RB1CC1: variants seen among roughly 807,000 people sequenced by gnomAD.
RB1CC1 encodes RB1-inducible coiled-coil protein 1.
RB1CC1 carries 46 observed loss-of-function variants against 177.5 expected under a neutral mutation model. The observed-to-expected ratio is 0.26, with a 90% confidence interval of 0.20 to 0.33. The LOEUF (loss-of-function observed/expected upper bound fraction) is 0.33. Ranked by LOEUF, RB1CC1 falls within the 10% of genes least tolerant of loss-of-function variation. The pLI is 1.00. For synonymous variants in RB1CC1, 666 were observed against 613.6 expected (o/e 1.09, Z -1.26); for missense variants, 1,703 against 1,816.3 (o/e 0.94, Z 1.13).
intron 1 of RB1CC1, among the ~76,000 whole-genome samples, chr8:52,695,023 A>G (rs1446719472): frequency 6.6e-6 from 1 of 152,192 alleles, no homozygotes; most frequent in Non-Finnish European, 1.5e-5. Flanking sequence ...CACAATAGAT[A>G]AATAGGCAAA....
intron 5 of RB1CC1, 40 bp downstream of exon 5, chr8:52,683,508 CT>C: frequency 6.7e-7 from 1 of 1,485,508 alleles, no homozygotes; most frequent in Non-Finnish European, 9.0e-7. Flanking sequence ...GATCCGAATG[CT>C]TTTAGAAACA....
At chr8:52,710,819 C>G in intron 1 of RB1CC1, among the ~76,000 whole-genome samples, 1 of 151,968 alleles carries the variant, frequency 6.6e-6, no homozygotes, top group East Asian at 1.9e-4. Flanking sequence ...AACATATAAC[C>G]AAATTATTAA....
chr8:52,697,293 AC>A (rs140540284), intron 1 of RB1CC1, among the ~76,000 whole-genome samples: 2 of 146,544 alleles, frequency 1.4e-5, no homozygotes, highest in African/African-American at 2.5e-5. Flanking sequence ...ACAAATGGTT[AC>A]TAAAAAAAAA....
chr8:52,680,585 G>A (rs546293922), intron 5 of RB1CC1, among the ~76,000 whole-genome samples: 1 of 152,246 alleles, frequency 6.6e-6, no homozygotes, highest in South Asian at 2.1e-4. Flanking sequence ...GTAGTCAAAA[G>A]AATGTACTAG....
chr8:52,628,199 A>C, intron 21 of RB1CC1, 31 bp from the exon 22 acceptor site: 1 of 1,593,486 alleles, frequency 6.3e-7, no homozygotes, highest in Non-Finnish European at 8.6e-7. Flanking sequence ...TTATTGACTT[A>C]GAGTTACTTT....
At chr8:52,646,495 A>G (rs1850051455) in intron 15 of RB1CC1, among the ~76,000 whole-genome samples, 1 of 152,220 alleles carries the variant, frequency 6.6e-6, no homozygotes, top group Admixed American at 6.5e-5. Flanking sequence ...ATTCCTATAC[A>G]TGAAATTTAC....
At chr8:52,652,258 A>G (rs1850662433) in intron 15 of RB1CC1, among the ~76,000 whole-genome samples, 1 of 152,062 alleles carries the variant, frequency 6.6e-6, no homozygotes, top group Non-Finnish European at 1.5e-5. Flanking sequence ...CAAGGTCAGG[A>G]GATCGAGACC....
chr8:52,666,506 G>T (rs1456294817), intron 8 of RB1CC1, among the ~76,000 whole-genome samples: 2 of 143,906 alleles, frequency 1.4e-5, no homozygotes, highest in Admixed American at 1.4e-4. Flanking sequence ...CTACAAGAGC[G>T]AAACTTCCTC....
chr8:52,645,903 A>C (rs765777188), intron 15 of RB1CC1, 36 bp from the exon 16 acceptor site: 14 of 1,544,408 alleles, frequency 9.1e-6, no homozygotes, highest in Non-Finnish European at 1.2e-5. Flanking sequence ...TTAAAAAAAA[A>C]ATTACAGACA....
At chr8:52,653,736 T>C (rs376025920) in intron 15 of RB1CC1, among the ~76,000 whole-genome samples, 11 of 152,300 alleles carry the variant, frequency 7.2e-5, no homozygotes, top group African/African-American at 2.4e-4. Context: ...TCTGGAATAT[T>C]TGCATTATAT....
intron 8 of RB1CC1, among the ~76,000 whole-genome samples, chr8:52,664,606 A>C (rs1851910427): frequency 6.6e-6 from 1 of 152,198 alleles, no homozygotes; most frequent in Admixed American, 6.5e-5. Context: ...CAAGACAACA[A>C]AAACTAATTT....
chr8:52,646,244 CT>C (rs1225385240), intron 15 of RB1CC1, among the ~76,000 whole-genome samples: 1 of 152,074 alleles, frequency 6.6e-6, no homozygotes, highest in Non-Finnish European at 1.5e-5. Flanking sequence ...GGGAGGATCA[CT>C]TGAGTCCAAG....
At chr8:52,631,234 G>A (rs559663483) in intron 20 of RB1CC1, among the ~76,000 whole-genome samples, 1 of 152,128 alleles carries the variant, frequency 6.6e-6, no homozygotes, top group South Asian at 2.1e-4. Flanking sequence ...TTGTCCCAAC[G>A]AACAACAACA....
chr8:52,688,617 C>T (rs190272719), intron 1 of RB1CC1, among the ~76,000 whole-genome samples: 68 of 152,300 alleles, frequency 4.5e-4, no homozygotes, highest in African/African-American at 1.5e-3. Flanking sequence ...AGTAGTTCTG[C>T]TTTTGTCTTT....
At chr8:52,677,993 A>G (rs1480610582) in intron 5 of RB1CC1, among the ~76,000 whole-genome samples, 2 of 152,254 alleles carry the variant, frequency 1.3e-5, no homozygotes, top group African/African-American at 4.8e-5. Flanking sequence ...AAAATATTCA[A>G]ATGTTTCAAT....
At chr8:52,670,930 T>C (rs1363222197) in intron 7 of RB1CC1, among the ~76,000 whole-genome samples, 4 of 149,772 alleles carry the variant, frequency 2.7e-5, no homozygotes, top group Non-Finnish European at 4.4e-5. Flanking sequence ...CACGCCAGCC[T>C]GGGTGACAGA....
At chr8:52,678,444 T>A (rs925050418) in intron 5 of RB1CC1, among the ~76,000 whole-genome samples, 3 of 151,986 alleles carry the variant, frequency 2.0e-5, no homozygotes, top group Admixed American at 6.6e-5. Flanking sequence ...AAAAGTATAG[T>A]ATGCTTTCAT....
In RB1CC1 at chr8:52,706,724, T is replaced by A. The variant is rs377591834; in HGVS notation, c.-167+7351A>T. Among the ~76,000 whole-genome samples the A allele has an allele frequency of 3.5e-5, 5 of 141,224 alleles. No individual in the cohort carries two copies. The South Asian group carries it at 9.2e-4, about 26-fold the overall frequency. The allele number at this position is 141,224 out of a possible 152,430, so 92.6% of individuals were successfully genotyped here. On this transcript the variant is annotated intron_variant, in intron 1 of 23. Transcript: ENST00000025008. ...TCTAGCCTGGGCTACAGAACGAGAC[T>A]CCCTCTGTTTCAAAAAAAAAAAAAA... is the stretch of plus-strand genomic sequence containing the variant.
chr8:52,689,734 G>A (rs1439740769), intron 1 of RB1CC1, among the ~76,000 whole-genome samples: 1 of 152,108 alleles, frequency 6.6e-6, no homozygotes, highest in African/African-American at 2.4e-5. Context: ...TAAAGTCTCT[G>A]AGTCTTCATG....
Sources: gnomAD v4.1 joint callset for allele counts (sites outside exome capture counted in the v4.1 genomes callset) on GRCh38, gnomAD v4.1.1 for gene constraint, MANE v1.5 for transcripts, NCBI Gene and HGNC (gene_info 2026-07-23, HGNC 2026-07-21) for gene names.